Variants in RABEPK observed in about 807,000 individuals in gnomAD.
RABEPK encodes Rab9 effector protein with kelch motifs.
Under a neutral mutation model 34.1 loss-of-function variants are expected in RABEPK, and 27 were observed. The ratio of observed to expected loss-of-function variants is 0.79; its 90% CI spans 0.58 to 1.09. RABEPK has a LOEUF of 1.09. Among genes scored for constraint, RABEPK ranks in the 50% least tolerant of loss-of-function variants. The probability of loss-of-function intolerance (pLI) is 0.00; values close to 1 mark genes in which losing one functional copy is unlikely to be tolerated. For missense variants in RABEPK, 449 were observed against 462.6 expected (o/e 0.97, Z 0.27); for synonymous variants, 172 against 169.2 (o/e 1.02, Z -0.13).
chr9:125,226,104 C>T (rs1206929352), intron 5 of RABEPK, among the ~76,000 whole-genome samples: 5 of 149,226 alleles, frequency 3.4e-5, no homozygotes, highest in Admixed American at 1.3e-4. Flanking sequence ...AAGCCAAGAT[C>T]GCACCACTGC....
At chr9:125,217,067 G>A (rs867894277) in intron 4 of RABEPK, among the ~76,000 whole-genome samples, 12 of 152,102 alleles carry the variant, frequency 7.9e-5, no homozygotes, top group Non-Finnish European at 1.2e-4. Context: ...GTATAATATG[G>A]TGCTTAAGGG....
chr9:125,221,275 T>A (rs1831314366), intron 5 of RABEPK: 1 of 152,094 alleles, frequency 6.6e-6, no homozygotes, highest in East Asian at 1.9e-4. Context: ...GGTGGGAGGA[T>A]CACCTGAGGT....
intron 7 of RABEPK, 118 bp from the exon 8 acceptor site, chr9:125,233,570 C>T (rs1282179887): frequency 3.8e-5 from 40 of 1,046,022 alleles, no homozygotes; most frequent in Middle Eastern, 2.2e-4. Flanking sequence ...TCTCCATCTC[C>T]TGACCTCGTG....
At chr9:125,212,500 T>C (rs2131384069) in intron 3 of RABEPK, among the ~76,000 whole-genome samples, 1 of 152,086 alleles carries the variant, frequency 6.6e-6, no homozygotes, top group East Asian at 1.9e-4. Context: ...ATTACAGGCA[T>C]GAGCCACAGC....
At chr9:125,205,321 T>C (rs1830156469) in intron 2 of RABEPK, among the ~76,000 whole-genome samples, 1 of 152,220 alleles carries the variant, frequency 6.6e-6, no homozygotes, top group Admixed American at 6.5e-5. Context: ...TGTTGAATGT[T>C]TCTTTTCCCA....
intron 4 of RABEPK, among the ~76,000 whole-genome samples, chr9:125,220,112 C>T (rs1192956512): frequency 6.6e-6 from 1 of 152,022 alleles, no homozygotes; most frequent in South Asian, 2.1e-4. Context: ...GATTCTCCTG[C>T]CTCAACCTCC....
At chr9:125,226,386 A>T (rs1445601625) in intron 5 of RABEPK, among the ~76,000 whole-genome samples, 1 of 151,948 alleles carries the variant, frequency 6.6e-6, no homozygotes, top group Non-Finnish European at 1.5e-5. Flanking sequence ...TCCAAATATT[A>T]GTCATTAAGG....
chr9:125,220,245 G>C, intron 4 of RABEPK: 1 of 1,243,048 alleles, frequency 8.0e-7, no homozygotes, highest in African/African-American at 1.5e-5. Context: ...CAAGTGATCC[G>C]CCCGCCTTGG....
chr9:125,210,706 C>CAAA (rs35140834), intron 3 of RABEPK, among the ~76,000 whole-genome samples: 10 of 83,268 alleles, frequency 1.2e-4, no homozygotes, highest in African/African-American at 5.1e-4. Context: ...GACTCCGTCT[C>CAAA]AAAAAAAAAA....
chr9:125,207,325 C>T (rs1432748312), intron 2 of RABEPK, among the ~76,000 whole-genome samples: 1 of 152,086 alleles, frequency 6.6e-6, no homozygotes, highest in Non-Finnish European at 1.5e-5. Context: ...GAAAAATAAG[C>T]CCAGTGCATT....
At chr9:125,222,871 T>G (rs844146) in intron 5 of RABEPK, among the ~76,000 whole-genome samples, 81,535 of 152,002 alleles carry the variant, frequency 0.54, 22,433 homozygotes, top group Admixed American at 0.62. Context: ...AGGGTCTCAC[T>G]GCATTGCCAA....
chr9:125,227,159 A>G (rs1831818690), intron 5 of RABEPK, among the ~76,000 whole-genome samples: 2 of 152,038 alleles, frequency 1.3e-5, no homozygotes, highest in South Asian at 4.1e-4. Flanking sequence ...GACAAGACCG[A>G]AACTTTGTCT....
intron 1 of RABEPK, 100 bp downstream of exon 1, chr9:125,201,006 A>C (rs781484456): frequency 4.3e-5 from 16 of 373,378 alleles, no homozygotes; most frequent in South Asian, 9.8e-5. Context: ...AGGTTCTCGG[A>C]ATGGATCTGA....
Position 125,228,046 on chromosome 9 carries a change from C to G in RABEPK, c.663C>G (p.His221Gln), listed in dbSNP as rs1198561576. Residue 221 changes from histidine (H) to glutamine (Q), a missense_variant, in exon 6 of 8, where the codon CAC becomes CAG. His to Gln is a conservative substitution (Grantham distance 24). Coordinates refer to ENST00000373538, the MANE Select transcript of RABEPK (RefSeq NM_005833.4). ...GGGACAGATTCTATGATGACCTCCA[C>G]TGCATTGATATAAGTAAGCAGGGCA... ...LAGDRFYDDLHCIDISDMKWQ... is the reference protein window; with the variant it reads ...LAGDRFYDDLQCIDISDMKWQ... 6.3e-7 allele frequency: 1 copy of G among 1,586,590 alleles called. No individual in the cohort carries two copies. The highest frequency in any genetic ancestry group is 8.6e-7 in the Non-Finnish European group (1 of 1,164,460).
intron 3 of RABEPK, among the ~76,000 whole-genome samples, chr9:125,210,729 A>G (rs1830534523): frequency 6.6e-6 from 1 of 151,266 alleles, no homozygotes; most frequent in Admixed American, 6.6e-5. Flanking sequence ...AAAAGAAAAT[A>G]AAAGAAACGA....
chr9:125,223,438 A>C (rs1831501299), intron 5 of RABEPK, among the ~76,000 whole-genome samples: 1 of 152,158 alleles, frequency 6.6e-6, no homozygotes, highest in Non-Finnish European at 1.5e-5. Flanking sequence ...CCTGGGTGAC[A>C]GAGCAAGGCT....
chr9:125,234,102 T>TG lies in RABEPK; in HGVS notation c.*123dup, dbSNP rs1198861280. 4 of 1,029,966 alleles carry TG rather than the reference T, an allele frequency of 3.9e-6. No homozygotes were observed. The East Asian group carries it at 9.6e-5, about 25-fold the overall frequency. The allele number at this position is 1,029,966 out of a possible 1,614,324, so 63.8% of individuals were successfully genotyped here. On this transcript the variant is annotated 3_prime_UTR_variant, in exon 8 of 8. Coordinates refer to ENST00000373538, the MANE Select transcript of RABEPK (RefSeq NM_005833.4). The stretch of plus-strand genomic sequence containing the variant: ...TCTGTTTTTCTCCTACTTTGGTAGG[T>TG]GAAGAAACTAATGCAAATAATTCTT...
At chr9:125,214,323 G>C (rs867817081) in intron 4 of RABEPK, among the ~76,000 whole-genome samples, 13 of 152,114 alleles carry the variant, frequency 8.5e-5, no homozygotes, top group African/African-American at 2.4e-4. Context: ...TGGCTTCTAG[G>C]GGGTAGAGGC....
chr9:125,210,493 G>A (rs1830516117), intron 3 of RABEPK, among the ~76,000 whole-genome samples: 1 of 150,852 alleles, frequency 6.6e-6, no homozygotes, highest in African/African-American at 2.4e-5. Flanking sequence ...GCCGAGGCAG[G>A]CAAATCACAA....
Sources: allele counts gnomAD v4.1 joint callset (sites outside exome capture counted in the v4.1 genomes callset), GRCh38; gene constraint gnomAD v4.1.1; transcripts MANE v1.5; gene names NCBI Gene and HGNC (gene_info 2026-07-23, HGNC 2026-07-21).